Variants in ZDHHC20 observed in about 807,000 individuals in gnomAD.
ZDHHC20 encodes the protein palmitoyltransferase ZDHHC20.
A neutral mutation model predicts 57.8 loss-of-function variants in ZDHHC20; 43 were observed. The ratio of observed to expected loss-of-function variants is 0.74; its 90% CI spans 0.58 to 0.96. The LOEUF is 0.96. ZDHHC20 is among the 40% of genes least tolerant of loss of function. ZDHHC20 has a pLI of 0.00. For synonymous variants in ZDHHC20, 157 were observed against 153.0 expected (o/e 1.03, Z -0.19); for missense variants, 391 against 441.1 (o/e 0.89, Z 1.02).
intron 1 of ZDHHC20, among the ~76,000 whole-genome samples, chr13:21,443,171 T>C (rs1185400779): frequency 6.6e-6 from 1 of 152,220 alleles, no homozygotes; most frequent in Admixed American, 6.5e-5. Flanking sequence ...TATTAAATAT[T>C]AATACTTCAT....
rs1049094965 is a variant in ZDHHC20, at chr13:21,375,408, A to G, written c.*1288T>C. On this transcript the variant is annotated 3_prime_UTR_variant, in exon 13 of 13. Coordinates refer to ENST00000400590, the MANE Select transcript of ZDHHC20 (RefSeq NM_001330059.2). ...TGTAAATGAGGAGTGACATTTCTAC[A>G]TTGTTTATTCTGTACTTTTCCTTGG... The G allele has an allele frequency of 1.3e-5, 4 of 313,636 alleles. No individual in the cohort carries two copies. The highest frequency in any genetic ancestry group is 6.8e-5 in the African/African-American group (3 of 44,320). The allele number at this position is 313,636 out of a possible 1,614,324, so 19.4% of individuals were successfully genotyped here. A position where few individuals can be genotyped will look rare whatever the true frequency, so the allele number is the denominator to read the frequency against.
intron 3 of ZDHHC20, among the ~76,000 whole-genome samples, chr13:21,419,186 G>C (rs1015290423): frequency 3.3e-5 from 5 of 151,978 alleles, no homozygotes; most frequent in African/African-American, 1.2e-4. Context: ...TAACTTTAAG[G>C]GTTGACTAAT....
At chr13:21,383,031 T>C (rs1305260607) in intron 9 of ZDHHC20, 22 bp from the exon 10 acceptor site, 17 of 1,537,676 alleles carry the variant, frequency 1.1e-5, no homozygotes, top group Non-Finnish European at 1.2e-5. Context: ...AAAAGAGTAA[T>C]AATTTAAATA....
rs1226417703 is a variant in ZDHHC20 at position 21,441,444 on chromosome 13, G to A, written c.119-15766C>T. On this transcript the variant is annotated intron_variant, in intron 1 of 12. Transcript: ENST00000400590. ...ACTGTCGCCCAGGCTGGAGTGCAGT[G>A]GCGCGATCTCCACTTACTGCAAGCT... is the stretch of plus-strand genomic sequence containing the variant. Among the ~76,000 whole-genome samples the A allele has an allele frequency of 3.4e-5, 5 of 149,250 alleles. No individual in the cohort carries two copies. The East Asian group carries it at 9.8e-4, about 29-fold the overall frequency.
intron 1 of ZDHHC20, among the ~76,000 whole-genome samples, chr13:21,457,509 A>C (rs969640816): frequency 7.2e-5 from 11 of 152,224 alleles, no homozygotes; most frequent in African/African-American, 2.7e-4. Context: ...CATTTTTAGT[A>C]AACATTCTGG....
chr13:21,401,585 A>G, intron 6 of ZDHHC20, 68 bp downstream of exon 6: 1 of 1,428,874 alleles, frequency 7.0e-7, no homozygotes, highest in South Asian at 1.4e-5. Context: ...AAAATTTAGG[A>G]ATACTGAAGT....
intron 1 of ZDHHC20, among the ~76,000 whole-genome samples, chr13:21,442,328 T>A (rs1317483991): frequency 3.3e-5 from 5 of 152,238 alleles, no homozygotes; most frequent in African/African-American, 1.2e-4. Flanking sequence ...TTCAATCACA[T>A]CTGTTCACCT....
At chr13:21,439,804 T>C (rs1882933020) in intron 1 of ZDHHC20, among the ~76,000 whole-genome samples, 1 of 152,074 alleles carries the variant, frequency 6.6e-6, no homozygotes, top group Non-Finnish European at 1.5e-5. Flanking sequence ...CGGTGGCTCA[T>C]GCCTGTAATA....
chr13:21,442,899 T>C (rs1285163706), intron 1 of ZDHHC20, among the ~76,000 whole-genome samples: 1 of 152,234 alleles, frequency 6.6e-6, no homozygotes. Flanking sequence ...ATTCTCATTT[T>C]TGAATCAGAG....
chr13:21,393,181 T>C (rs1876065951), intron 7 of ZDHHC20, among the ~76,000 whole-genome samples: 1 of 141,088 alleles, frequency 7.1e-6, no homozygotes, highest in Non-Finnish European at 1.6e-5. Flanking sequence ...ACATTTCTTT[T>C]CTTTTTTCTT....
At chr13:21,385,203 C>T (rs142407634) in intron 9 of ZDHHC20, among the ~76,000 whole-genome samples, 1,884 of 152,102 alleles carry the variant, frequency 0.012, 41 homozygotes, top group African/African-American at 0.044. Flanking sequence ...ATGAGGTGGG[C>T]GGATTGCTTG....
chr13:21,404,576 C>T (rs1210961022), intron 4 of ZDHHC20, among the ~76,000 whole-genome samples: 3 of 152,004 alleles, frequency 2.0e-5, no homozygotes, highest in Non-Finnish European at 2.9e-5. Context: ...CATGGTGAAA[C>T]CCCGTCTCTA....
intron 9 of ZDHHC20, among the ~76,000 whole-genome samples, chr13:21,387,092 T>C (rs1025330092): frequency 2.6e-5 from 4 of 152,300 alleles, no homozygotes; most frequent in African/African-American, 4.8e-5. Flanking sequence ...TATACTCTCA[T>C]TTACATTTGG....
At chr13:21,409,937 T>C (rs946505858) in intron 4 of ZDHHC20, among the ~76,000 whole-genome samples, 2 of 152,196 alleles carry the variant, frequency 1.3e-5, no homozygotes, top group East Asian at 3.9e-4. Context: ...TGGCAAGGAG[T>C]TGTGACCCTT....
intron 3 of ZDHHC20, 33 bp from the exon 4 acceptor site, chr13:21,413,805 T>C: frequency 6.4e-7 from 1 of 1,571,488 alleles, no homozygotes; most frequent in Non-Finnish European, 8.6e-7. Flanking sequence ...TAAATTTTTT[T>C]AATCCCATGA....
In ZDHHC20 at chr13:21,459,150, G is replaced by A; in HGVS notation, c.22C>T (p.Arg8Cys). 6.2e-7 allele frequency: 1 copy of A among 1,603,522 alleles called. No individual in the cohort carries two copies. Among genetic ancestry groups the A allele is most frequent in the Non-Finnish European group, 8.5e-7 (1 of 1,176,130 alleles). The change falls in exon 1 of 13, where the codon CGC becomes TGC. Residue 8 changes from arginine (R) to cysteine (C), a missense_variant. This residue lies in a region of ZDHHC20 where 185 missense variants were observed against 188.0 expected (regional missense o/e 0.98). Transcript: ENST00000400590. ...CAGCCCACGACGCGCTGGCAGCAGC[G>A]CCACAGCGTCCAGGGCGCCATGTTC... MAPWTLWRCCQRVVGWVP... is the reference protein window; with the variant it reads MAPWTLWCCCQRVVGWVP...
At chr13:21,447,515 C>A (rs1445194902) in intron 1 of ZDHHC20, among the ~76,000 whole-genome samples, 3 of 147,044 alleles carry the variant, frequency 2.0e-5, no homozygotes, top group African/African-American at 7.4e-5. Context: ...AGCCCCTAAC[C>A]GCGAGTGATC....
At chr13:21,434,188 A>T (rs191290590) in intron 1 of ZDHHC20, among the ~76,000 whole-genome samples, 25 of 152,298 alleles carry the variant, frequency 1.6e-4, no homozygotes, top group Non-Finnish European at 4.4e-5. Flanking sequence ...TTTCCAATTA[A>T]AATTAAAGTC....
intron 3 of ZDHHC20, among the ~76,000 whole-genome samples, chr13:21,420,487 T>C (rs1341649484): frequency 6.6e-6 from 1 of 152,156 alleles, no homozygotes; most frequent in Non-Finnish European, 1.5e-5. Flanking sequence ...TTAACCACCT[T>C]GCTATAAGAA....
Sources: allele counts gnomAD v4.1 joint callset (sites outside exome capture counted in the v4.1 genomes callset), GRCh38; gene constraint gnomAD v4.1.1; regional missense constraint gnomAD v4.1.1; transcripts MANE v1.5; gene names NCBI Gene and HGNC (gene_info 2026-07-23, HGNC 2026-07-21).